The following STH variants were observed in gnomAD, a reference collection of about 807,000 sequenced individuals.
STH encodes the protein saitohin, also known as microtubule-associated protein tau (MAPT) intronic transcript.
For missense variants in STH, 131 were observed against 151.5 expected, an observed-to-expected ratio of 0.86 and a Z score of 0.71; for synonymous variants, 36 against 59.1, an observed-to-expected ratio of 0.61 and a Z score of 1.79.
rs762794190 is a variant in STH, at chr17:45,999,495, C to A, written c.216C>A (p.Thr72=). ...SSEVGLEGVG[T]IWPSSYSSEE... is the part of the protein sequence containing the mutation. ...AGGTTGGCTTGGAAGGTGTGGGCAC[C>A]ATTTGGCCCAGTTCTTACAGCTCTG... Residue 72 remains threonine, a synonymous_variant, in exon 1 of 1, where the codon ACC becomes ACA. Transcript: ENST00000537309. The A allele has an allele frequency of 2.5e-6, 4 of 1,614,006 alleles. No individual in the cohort carries two copies. The East Asian group carries it at 6.7e-5, about 27-fold the overall frequency.
In STH at chr17:45,999,377, A is replaced by G. The variant is rs1307578059; in HGVS notation, c.98A>G (p.Gln33Arg). The change falls in exon 1 of 1, where the codon CAG becomes CGG. Residue 33 changes from glutamine (Q) to arginine (R), a missense_variant. Gln to Arg is a conservative substitution (Grantham distance 43). Coordinates refer to ENST00000537309, the MANE Select transcript of STH (RefSeq NM_001007532.3). ...ALIECGVNLT[Q>R]PLCEWMIQVA... ...ATTGAATGCGGGGTTAATTTAACTCAGCCTCTGTGTGAGTGGATGATTCAG... is the reference window on the plus strand; with the variant it reads ...ATTGAATGCGGGGTTAATTTAACTCGGCCTCTGTGTGAGTGGATGATTCAG... 6.2e-7 allele frequency: 1 copy of G among 1,614,042 alleles called. No homozygotes were observed. The highest frequency in any genetic ancestry group is 2.2e-5 in the East Asian group (1 of 44,882).
Position 45,999,284 on chromosome 17 carries a change from G to T in STH, c.5G>T (p.Ser2Ile), listed in dbSNP as rs780674994. 7.4e-6 allele frequency: 12 copies of T among 1,612,906 alleles called. No individual in the cohort carries two copies. Among genetic ancestry groups the T allele is most frequent in the Non-Finnish European group, 1.0e-5 (12 of 1,179,500 alleles). Reference protein sequence around the residue: MSEGGGQVSCIF... With the variant: MIEGGGQVSCIF... ...TGCTGCTCCCTAGTCTGGGCCATGA[G>T]TGAGGGTGGAGGCCAAGTCTCATGC... The change falls in exon 1 of 1, where the codon AGT becomes ATT. Residue 2 changes from serine (S) to isoleucine (I), a missense_variant. Ser to Ile is a moderately radical substitution (Grantham distance 142). Transcript: ENST00000537309.
rs368281503 is a variant in STH, at chr17:45,999,664, T to C, written c.385T>C (p.Ter129GlnextTer?). 42 of 1,598,016 alleles carry C rather than the reference T, an allele frequency of 2.6e-5. No individual in the cohort carries two copies. Among genetic ancestry groups the C allele is most frequent in the Non-Finnish European group, 3.2e-5 (38 of 1,172,304 alleles). Residue 129 changes from the stop codon to glutamine (Q), a stop_lost, in exon 1 of 1, where the codon TAG becomes CAG. Coordinates refer to ENST00000537309, the MANE Select transcript of STH (RefSeq NM_001007532.3). ...GESQATSCQV[*>Q] ...GAGTCAGGCGACCTCATGCCAAGTG[T>C]AGAAAGGGGCAGATGGGAGCCCCAG...
Position 45,999,327 on chromosome 17 carries a change from A to G in STH, c.48A>G (p.Thr16=). The G allele has an allele frequency of 1.9e-6, 3 of 1,613,930 alleles. No homozygotes were observed. Among genetic ancestry groups the G allele is most frequent in the Non-Finnish European group, 2.5e-6 (3 of 1,179,874 alleles). Residue 16 remains threonine, a synonymous_variant, in exon 1 of 1, where the codon ACA becomes ACG. Transcript: ENST00000537309. ...TCTCATGCATTTTTGCAGCCCCCACAAGACTGTGCAGGTGGCCGGCCCTCA... is the reference window on the plus strand; with the variant it reads ...TCTCATGCATTTTTGCAGCCCCCACGAGACTGTGCAGGTGGCCGGCCCTCA... ...GQVSCIFAAP[T]RLCRWPALIE...
At position 45,999,325 on chromosome 17, in the gene STH, A is replaced by T. The variant is rs1258226845; in HGVS notation, c.46A>T (p.Thr16Ser). The change falls in exon 1 of 1, where the codon ACA becomes TCA. Residue 16 changes from threonine (T) to serine (S), a missense_variant. By Grantham distance (58) the Thr-to-Ser change is moderately conservative (BLOSUM62 1). Transcript: ENST00000537309. ...AGTCTCATGCATTTTTGCAGCCCCC[A>T]CAAGACTGTGCAGGTGGCCGGCCCT... Reference protein sequence around the residue: ...GQVSCIFAAPTRLCRWPALIE... With the variant: ...GQVSCIFAAPSRLCRWPALIE... The T allele has an allele frequency of 1.9e-6, 3 of 1,613,760 alleles. No individual in the cohort carries two copies. In the African/African-American group the frequency reaches 4.0e-5, roughly 22 times the overall value.
Position 45,999,670 on chromosome 17 carries a change from G to A in STH, c.*4G>A, listed in dbSNP as rs1036725799. Reference sequence around the variant, plus strand: ...GGCGACCTCATGCCAAGTGTAGAAAGGGGCAGATGGGAGCCCCAGGTTATG... The same window carrying A: ...GGCGACCTCATGCCAAGTGTAGAAAAGGGCAGATGGGAGCCCCAGGTTATG... On this transcript the variant is annotated 3_prime_UTR_variant, in exon 1 of 1. Coordinates refer to ENST00000537309, the MANE Select transcript of STH (RefSeq NM_001007532.3). The A allele has an allele frequency of 6.9e-6, 11 of 1,583,374 alleles. No homozygotes were observed. The highest frequency in any genetic ancestry group is 8.6e-6 in the Non-Finnish European group (10 of 1,165,318).
Sources: allele counts gnomAD v4.1 joint callset, GRCh38; gene constraint gnomAD v4.1.1; transcripts MANE v1.5; gene names NCBI Gene and HGNC (gene_info 2026-07-23, HGNC 2026-07-21).